MAGI2: variants seen among roughly 807,000 people sequenced by gnomAD.
MAGI2 encodes membrane associated guanylate kinase, WW and PDZ domain containing 2, also known as membrane-associated guanylate kinase, WW and PDZ domain-containing protein 2.
MAGI2 carries 35 observed loss-of-function variants against 133.3 expected under a neutral mutation model. The ratio of observed to expected loss-of-function variants is 0.26; its 90% CI spans 0.20 to 0.35. The LOEUF is 0.35. MAGI2 is among the 10% of genes least tolerant of loss of function. MAGI2 has a pLI of 1.00. For missense variants in MAGI2, 1,636 were observed against 1,863.4 expected (o/e 0.88, Z 2.25); for synonymous variants, 729 against 710.6 (o/e 1.03, Z -0.41).
chr7:79,223,219 G>C (rs565299609), intron 1 of MAGI2, among the ~76,000 whole-genome samples: 1 of 151,922 alleles, frequency 6.6e-6, no homozygotes, highest in African/African-American at 2.4e-5. Context: ...ACAGACGAAG[G>C]CAACTTGAGA....
intron 2 of MAGI2, among the ~76,000 whole-genome samples, chr7:78,976,038 A>G (rs1031929791): frequency 1.3e-5 from 2 of 151,660 alleles, no homozygotes; most frequent in Non-Finnish European, 3.0e-5. Context: ...CTCAAAAATG[A>G]AAAAACCAGA....
At chr7:78,468,922 C>T (rs1359077865) in intron 6 of MAGI2, among the ~76,000 whole-genome samples, 3 of 152,072 alleles carry the variant, frequency 2.0e-5, no homozygotes, top group Admixed American at 1.3e-4. Flanking sequence ...TCAACAGTTA[C>T]GAGAGGAATT....
At chr7:78,694,141 T>C (rs1294631901) in intron 2 of MAGI2, among the ~76,000 whole-genome samples, 1 of 151,896 alleles carries the variant, frequency 6.6e-6, no homozygotes, top group Admixed American at 6.6e-5. Flanking sequence ...TTTTGTAGGG[T>C]TGTCAGGAGG....
chr7:78,280,549 T>C lies in MAGI2; in HGVS notation c.1409-23968A>G, dbSNP rs191631245. On this transcript the variant is annotated intron_variant, in intron 9 of 21. Transcript: ENST00000354212. ...ATTGATATTTATTAAGTATTCATTA[T>C]GTGTCAGCACATAGAATCTTGTTTA... Among the ~76,000 whole-genome samples, 230 of 152,298 alleles carry C rather than the reference T, an allele frequency of 1.5e-3. 1 individual carries two copies. The highest frequency in any genetic ancestry group is 2.7e-3 in the Non-Finnish European group (181 of 68,026).
At chr7:79,434,529 T>C (rs1054693736) in intron 1 of MAGI2, among the ~76,000 whole-genome samples, 5 of 152,200 alleles carry the variant, frequency 3.3e-5, no homozygotes, top group Non-Finnish European at 5.9e-5. Context: ...AAAAATACTT[T>C]ATGCAAACTG....
chr7:79,085,267 C>G (rs945592538), intron 1 of MAGI2, among the ~76,000 whole-genome samples: 3 of 151,788 alleles, frequency 2.0e-5, no homozygotes, highest in African/African-American at 7.2e-5. Flanking sequence ...CTGAGCCCCT[C>G]TCTAAACTTT....
chr7:79,447,146 T>G (rs1337615680), intron 1 of MAGI2, among the ~76,000 whole-genome samples: 1 of 152,160 alleles, frequency 6.6e-6, no homozygotes. Context: ...CCTTTTAGAG[T>G]TGACAAAGAT....
intron 1 of MAGI2, among the ~76,000 whole-genome samples, chr7:79,420,930 C>T (rs1370780693): frequency 6.6e-6 from 1 of 151,918 alleles, no homozygotes; most frequent in East Asian, 1.9e-4. Flanking sequence ...TATGAGAAAG[C>T]TTCTAAATAA....
chr7:78,449,930 C>T (rs1475921998), intron 6 of MAGI2, among the ~76,000 whole-genome samples: 5 of 152,090 alleles, frequency 3.3e-5, no homozygotes, highest in Admixed American at 2.6e-4. Context: ...GCATATTTTA[C>T]AGGCTTTCGA....
chr7:79,428,287 G>A (rs1847535328), intron 1 of MAGI2, among the ~76,000 whole-genome samples: 1 of 152,112 alleles, frequency 6.6e-6, no homozygotes, highest in East Asian at 1.9e-4. Context: ...GAGAAGTATT[G>A]CTTTATAAAT....
At chr7:78,593,261 G>A (rs574006951) in intron 3 of MAGI2, among the ~76,000 whole-genome samples, 32 of 152,000 alleles carry the variant, frequency 2.1e-4, no homozygotes, top group African/African-American at 7.0e-4. Flanking sequence ...GCTTGGTGGC[G>A]GGCGCCTGTA....
At position 78,523,778 on chromosome 7, in the gene MAGI2, G is replaced by C. The variant is rs143558350; in HGVS notation, c.539-2133C>G. 3.9e-3 allele frequency among the ~76,000 whole-genome samples: 595 copies of C among 152,180 alleles called. 5 individuals carry two copies. The highest frequency in any genetic ancestry group is 0.013 in the African/African-American group (554 of 41,528). ...CCCATGATTCAATTACCACCACCTG[G>C]TCTCTCCCTTGACATGTGGGGATTA... On this transcript the variant is annotated intron_variant, in intron 3 of 21. Transcript: ENST00000354212.
chr7:78,694,998 G>A (rs1409028792), intron 2 of MAGI2, among the ~76,000 whole-genome samples: 7 of 152,238 alleles, frequency 4.6e-5, no homozygotes, highest in South Asian at 2.1e-4. Context: ...GGCCAAGGCC[G>A]GCAGATCACG....
chr7:78,132,809 G>C (rs144391451), intron 18 of MAGI2, 80 bp downstream of exon 18: 1 of 1,594,946 alleles, frequency 6.3e-7, no homozygotes, highest in African/African-American at 1.3e-5. Context: ...CTCTCTGCCT[G>C]TCCTGTGCTG....
At chr7:78,285,910 G>C (rs1008258040) in intron 9 of MAGI2, 1 of 152,084 alleles carries the variant, frequency 6.6e-6, no homozygotes, top group African/African-American at 2.4e-5. Flanking sequence ...TCTTTGTGCA[G>C]GTTCCATCCC....
intron 6 of MAGI2, among the ~76,000 whole-genome samples, chr7:78,415,766 C>G (rs914733770): frequency 1.3e-5 from 2 of 152,090 alleles, no homozygotes; most frequent in African/African-American, 4.8e-5. Flanking sequence ...GAAGTGGCGT[C>G]TTTTAAATGT....
chr7:79,337,617 A>T (rs1167914018), intron 1 of MAGI2, among the ~76,000 whole-genome samples: 10 of 152,164 alleles, frequency 6.6e-5, no homozygotes, highest in Non-Finnish European at 1.5e-5. Context: ...TAATCCATAA[A>T]TCCTGACATT....
At chr7:78,321,749 C>G (rs911006432) in intron 9 of MAGI2, among the ~76,000 whole-genome samples, 2 of 152,142 alleles carry the variant, frequency 1.3e-5, no homozygotes, top group East Asian at 3.9e-4. Flanking sequence ...GCAATGGCAA[C>G]AAAAGCCCAA....
At chr7:78,683,928 T>A (rs1400551345) in intron 2 of MAGI2, among the ~76,000 whole-genome samples, 1 of 152,154 alleles carries the variant, frequency 6.6e-6, no homozygotes, top group Non-Finnish European at 1.5e-5. Context: ...ACATTTAAGA[T>A]CTTTGTGTTA....
Sources: gnomAD v4.1 joint callset for allele counts (sites outside exome capture counted in the v4.1 genomes callset) on GRCh38, gnomAD v4.1.1 for gene constraint, MANE v1.5 for transcripts, NCBI Gene and HGNC (gene_info 2026-07-23, HGNC 2026-07-21) for gene names.